CPNE8: variants seen among roughly 807,000 people sequenced by gnomAD.
CPNE8 encodes copine-8.
In CPNE8, 45 loss-of-function variants were observed where a neutral mutation model predicts 81.5. The ratio of observed to expected loss-of-function variants is 0.55; its 90% CI spans 0.44 to 0.71. The LOEUF is 0.71. Ranked by LOEUF, CPNE8 falls within the 30% of genes least tolerant of loss-of-function variation. CPNE8 has a pLI of 0.00. For missense variants in CPNE8, 594 were observed against 672.1 expected (o/e 0.88, Z 1.28); for synonymous variants, 252 against 226.3 (o/e 1.11, Z -1.02).
At chr12:38,794,456 A>G (rs1254431641) in intron 6 of CPNE8, among the ~76,000 whole-genome samples, 1 of 152,112 alleles carries the variant, frequency 6.6e-6, no homozygotes, top group Non-Finnish European at 1.5e-5. Context: ...AGAGCTGCAT[A>G]AAGAACTCCT....
At chr12:38,832,700 T>TAA (rs1441315788) in intron 5 of CPNE8, among the ~76,000 whole-genome samples, 3,362 of 152,178 alleles carry the variant, frequency 0.022, 123 homozygotes, top group African/African-American at 0.076. Flanking sequence ...TCAGCTAATG[T>TAA]TTGTATTTTT....
At chr12:38,663,639 A>G (rs1344207455) in intron 19 of CPNE8, among the ~76,000 whole-genome samples, 3 of 152,146 alleles carry the variant, frequency 2.0e-5, no homozygotes, top group Non-Finnish European at 1.5e-5. Context: ...TCCAAATGAA[A>G]GGAAATCAGT....
chr12:38,815,583 A>G (rs1175425609), intron 6 of CPNE8, among the ~76,000 whole-genome samples: 1 of 152,188 alleles, frequency 6.6e-6, no homozygotes, highest in African/African-American at 2.4e-5. Context: ...CTAAGATTTT[A>G]ATAAATTCGC....
At chr12:38,858,244 T>C (rs1943775989) in intron 3 of CPNE8, among the ~76,000 whole-genome samples, 1 of 152,196 alleles carries the variant, frequency 6.6e-6, no homozygotes, top group Non-Finnish European at 1.5e-5. Context: ...TTCCTCCATA[T>C]AAAGCCAATT....
At chr12:38,801,025 G>C (rs1392573053) in intron 6 of CPNE8, among the ~76,000 whole-genome samples, 1 of 150,354 alleles carries the variant, frequency 6.7e-6, no homozygotes, top group Admixed American at 6.7e-5. Context: ...CCACATCTAC[G>C]TCTGATTGGT....
Position 38,670,835 on chromosome 12 carries a change from C to A in CPNE8, c.1433-33G>T, listed in dbSNP as rs748114046. On this transcript the variant is annotated intron_variant, in intron 18 of 19. Coordinates refer to ENST00000331366, the MANE Select transcript of CPNE8 (RefSeq NM_153634.3). Reference sequence around the variant, plus strand: ...AGAAAATATGATCATTTATTCAGTACATTTTAGCCAAATACTAAAACAATG... The same window carrying A: ...AGAAAATATGATCATTTATTCAGTAAATTTTAGCCAAATACTAAAACAATG... 27 of 1,486,196 alleles carry A rather than the reference C, an allele frequency of 1.8e-5. No individual in the cohort carries two copies. In the South Asian group the frequency reaches 3.2e-4, roughly 18 times the overall value. 92.1% of individuals were successfully genotyped at this position (1,486,196 alleles called of 1,614,324 possible). A position where few individuals can be genotyped will look rare whatever the true frequency, so the allele number is the denominator to read the frequency against.
At chr12:38,785,356 A>AT (rs780641414) in intron 6 of CPNE8, among the ~76,000 whole-genome samples, 30 of 150,676 alleles carry the variant, frequency 2.0e-4, no homozygotes, top group African/African-American at 5.5e-4. Context: ...AAATTAACCA[A>AT]TAAAAAAAAA....
At chr12:38,685,354 T>C (rs78433213) in intron 16 of CPNE8, 136 bp downstream of exon 16, 20,881 of 838,560 alleles carry the variant, frequency 0.025, 316 homozygotes, top group Middle Eastern at 0.044. Flanking sequence ...CTTTCTAACA[T>C]ACATTTTTTC....
intron 8 of CPNE8, among the ~76,000 whole-genome samples, chr12:38,765,863 AT>A (rs200122250): frequency 7.5e-4 from 109 of 145,028 alleles, no homozygotes; most frequent in Middle Eastern, 3.6e-3. Context: ...ATCTTTTTTT[AT>A]TTTTTTTTTT....
chr12:38,692,635 G>A (rs185291996), intron 15 of CPNE8, among the ~76,000 whole-genome samples: 42 of 152,272 alleles, frequency 2.8e-4, no homozygotes, highest in African/African-American at 9.6e-4. Flanking sequence ...CAGCAAAGGA[G>A]AGAATTACAG....
chr12:38,812,909 G>T (rs1942962477), intron 6 of CPNE8, among the ~76,000 whole-genome samples: 1 of 152,140 alleles, frequency 6.6e-6, no homozygotes, highest in Non-Finnish European at 1.5e-5. Flanking sequence ...TTAAACTTCT[G>T]TTCCTTATAA....
chr12:38,840,643 C>T (rs895899650), intron 4 of CPNE8, among the ~76,000 whole-genome samples: 2 of 152,114 alleles, frequency 1.3e-5, no homozygotes, highest in Non-Finnish European at 2.9e-5. Flanking sequence ...ATCTTAAATG[C>T]TATTGTTAAA....
At chr12:38,791,269 C>A (rs75653008) in intron 6 of CPNE8, among the ~76,000 whole-genome samples, 1,974 of 151,722 alleles carry the variant, frequency 0.013, 48 homozygotes, top group African/African-American at 0.044. Context: ...CTACCACCTA[C>A]TCAATGACCT....
rs373223139 is a variant in CPNE8 at position 38,818,179 on chromosome 12, G to T, written c.407+11200C>A. Among the ~76,000 whole-genome samples, 109 of 152,106 alleles carry T rather than the reference G, an allele frequency of 7.2e-4. 2 individuals carry two copies. In the South Asian group the frequency reaches 0.022, roughly 30 times the overall value. On this transcript the variant is annotated intron_variant, in intron 6 of 19. Coordinates refer to ENST00000331366, the MANE Select transcript of CPNE8 (RefSeq NM_153634.3). ...CTTTCAGTTCTGGGATGCATGTGCA[G>T]AAAGTGCAGGTTTGTTACACGGTGG...
intron 19 of CPNE8, among the ~76,000 whole-genome samples, chr12:38,670,250 C>T (rs1939143911): frequency 1.3e-5 from 2 of 151,988 alleles, no homozygotes; most frequent in Admixed American, 1.3e-4. Context: ...TTTTCCTATC[C>T]AAAAAGATAT....
chr12:38,653,032 T>C lies in CPNE8; in HGVS notation c.*850A>G, dbSNP rs929848212. 11 of 152,628 alleles carry C rather than the reference T, an allele frequency of 7.2e-5. No homozygotes were observed. Among genetic ancestry groups the C allele is most frequent in the African/African-American group, 1.2e-4 (5 of 41,480 alleles). 9.5% of individuals were successfully genotyped at this position (152,628 alleles called of 1,614,324 possible). A position where few individuals can be genotyped will look rare whatever the true frequency, so the allele number is the denominator to read the frequency against. The stretch of plus-strand genomic sequence containing the variant: ...ATCTGCTACATAGTTCACAGTTAAA[T>C]AGTCTTGGTTTCAGTCTTTCTAAAT... On this transcript the variant is annotated 3_prime_UTR_variant, in exon 20 of 20. Transcript: ENST00000331366.
At chr12:38,799,172 T>C (rs1383508375) in intron 6 of CPNE8, among the ~76,000 whole-genome samples, 1 of 152,074 alleles carries the variant, frequency 6.6e-6, no homozygotes, top group Non-Finnish European at 1.5e-5. Flanking sequence ...TACCCGGGAA[T>C]TGAACTCATC....
intron 7 of CPNE8, among the ~76,000 whole-genome samples, chr12:38,773,905 C>T (rs567362766): frequency 6.6e-6 from 1 of 151,848 alleles, no homozygotes; most frequent in Non-Finnish European, 1.5e-5. Flanking sequence ...AGCCAGGAAT[C>T]AGGACATAGA....
intron 6 of CPNE8, among the ~76,000 whole-genome samples, chr12:38,797,866 A>G (rs979622833): frequency 6.6e-6 from 1 of 152,206 alleles, no homozygotes; most frequent in Non-Finnish European, 1.5e-5. Flanking sequence ...GAGCTGATGG[A>G]GCTGAAAGCA....
Sources: allele counts gnomAD v4.1 joint callset (sites outside exome capture counted in the v4.1 genomes callset), GRCh38; gene constraint gnomAD v4.1.1; transcripts MANE v1.5; gene names NCBI Gene and HGNC (gene_info 2026-07-23, HGNC 2026-07-21).